Variants in COL11A1 observed in about 807,000 individuals in gnomAD.
COL11A1 encodes the protein collagen type XI alpha 1 chain, also known as collagen alpha-1(XI) chain.
In COL11A1, 74 loss-of-function variants were observed where a neutral mutation model predicts 265.2. That is an observed-to-expected ratio of 0.28 (90% CI 0.23 to 0.34). The LOEUF (loss-of-function observed/expected upper bound fraction) is 0.34. Among genes scored for constraint, COL11A1 ranks in the 10% least tolerant of loss-of-function variants. COL11A1 has a pLI of 1.00. For missense variants in COL11A1, 2,165 were observed against 2,263.6 expected (o/e 0.96, Z 0.88); for synonymous variants, 816 against 727.6 (o/e 1.12, Z -1.96).
At chr1:103,104,119 T>A (rs978195563) in intron 1 of COL11A1, among the ~76,000 whole-genome samples, 9 of 152,232 alleles carry the variant, frequency 5.9e-5, no homozygotes, top group Middle Eastern at 3.4e-3. Context: ...CATTCTCTTT[T>A]AAAAATCTTA....
intron 66 of COL11A1, 132 bp from the exon 67 acceptor site, chr1:102,878,297 A>T: frequency 2.8e-6 from 2 of 709,502 alleles, no homozygotes; most frequent in South Asian, 3.9e-5. Context: ...ATTTTCTATT[A>T]TCTATGTAAT....
At chr1:103,089,317 T>C (rs1673119482) in intron 1 of COL11A1, among the ~76,000 whole-genome samples, 4 of 152,182 alleles carry the variant, frequency 2.6e-5, no homozygotes, top group Admixed American at 2.0e-4. Flanking sequence ...AGGAGATTTA[T>C]TCTTAGCTCA....
At chr1:102,990,211 A>T (rs1464428007) in intron 28 of COL11A1, among the ~76,000 whole-genome samples, 1 of 152,084 alleles carries the variant, frequency 6.6e-6, no homozygotes, top group Non-Finnish European at 1.5e-5. Flanking sequence ...GAACAACAAC[A>T]ACAAAAGGAA....
chr1:103,050,604 C>G (rs2102129222), intron 4 of COL11A1, among the ~76,000 whole-genome samples: 1 of 152,294 alleles, frequency 6.6e-6, no homozygotes, highest in Non-Finnish European at 1.5e-5. Flanking sequence ...CTCAACTCGT[C>G]AAAGTCATTC....
At chr1:103,029,579 T>A (rs1280209926) in intron 5 of COL11A1, among the ~76,000 whole-genome samples, 2 of 152,020 alleles carry the variant, frequency 1.3e-5, no homozygotes, top group East Asian at 1.9e-4. Context: ...TTTTTCATTA[T>A]GACTTACTCA....
chr1:102,885,426 G>A (rs970392058), intron 63 of COL11A1, among the ~76,000 whole-genome samples: 1 of 151,966 alleles, frequency 6.6e-6, no homozygotes, highest in African/African-American at 2.4e-5. Flanking sequence ...TATTTTAAAA[G>A]CTCAAATTGC....
intron 7 of COL11A1, among the ~76,000 whole-genome samples, chr1:103,023,466 T>C (rs533784012): frequency 6.6e-6 from 1 of 151,868 alleles, no homozygotes; most frequent in African/African-American, 2.4e-5. Context: ...CAAGTGATTC[T>C]CCTGCCTCAG....
intron 30 of COL11A1, among the ~76,000 whole-genome samples, chr1:102,985,109 A>G (rs1663410101): frequency 6.6e-6 from 1 of 152,042 alleles, no homozygotes; most frequent in Non-Finnish European, 1.5e-5. Flanking sequence ...CTAATAAGAT[A>G]CTTACAAAAG....
intron 41 of COL11A1, among the ~76,000 whole-genome samples, chr1:102,959,063 G>A (rs1660640360): frequency 6.6e-6 from 1 of 152,084 alleles, no homozygotes; most frequent in Non-Finnish European, 1.5e-5. Flanking sequence ...CCAAGTCATC[G>A]GCTCACTCCA....
chr1:103,031,170 G>A lies in COL11A1; in HGVS notation c.726C>T (p.Asp242=), dbSNP rs547493672. Residue 242 remains aspartate (D), a synonymous_variant, in exon 5 of 67, where the codon GAC becomes GAT. Transcript: ENST00000370096. ...AYDYCEHYSP[D]CDSSAPKAAQ... is the part of the protein sequence containing the mutation. ...CAGCCTTGGGTGCTGAAGAGTCACAGTCTGGACTATAATGCTCACAGTAGT... is the reference window on the plus strand; with the variant it reads ...CAGCCTTGGGTGCTGAAGAGTCACAATCTGGACTATAATGCTCACAGTAGT... The A allele has an allele frequency of 5.0e-6, 8 of 1,612,310 alleles. No individual in the cohort carries two copies. In the South Asian group the frequency reaches 7.7e-5, roughly 15 times the overall value.
rs115789538 is a variant in COL11A1 at position 102,966,992 on chromosome 1, G to A, written c.2863-1452C>T. ...CTATGTTCTTCCCCTTTTTAATGGC[G>A]TGTCTTCAGATTCCAGACTTTTCTT... is the stretch of plus-strand genomic sequence containing the variant. On this transcript the variant is annotated intron_variant, in intron 37 of 66. Transcript: ENST00000370096. Among the ~76,000 whole-genome samples the A allele has an allele frequency of 7.6e-3, 1,159 of 151,848 alleles. 14 individuals are homozygous for A. The highest frequency in any genetic ancestry group is 0.026 in the African/African-American group (1,091 of 41,406).
intron 11 of COL11A1, among the ~76,000 whole-genome samples, chr1:103,016,711 T>C (rs1264913144): frequency 6.6e-6 from 1 of 152,022 alleles, no homozygotes; most frequent in Non-Finnish European, 1.5e-5. Flanking sequence ...ACATTGATTC[T>C]AGATTGGCAA....
intron 30 of COL11A1, among the ~76,000 whole-genome samples, chr1:102,986,419 G>C (rs1465144626): frequency 3.5e-5 from 4 of 113,794 alleles, no homozygotes; most frequent in East Asian, 3.3e-4. Context: ...GTTGTGGGGT[G>C]GGGGGAGGGG....
chr1:102,962,624 C>CA (rs780836034), intron 39 of COL11A1, 29 bp downstream of exon 39: 2 of 1,606,550 alleles, frequency 1.2e-6, no homozygotes, highest in South Asian at 1.1e-5. Context: ...AGTTTTGGGC[C>CA]AAAAAAAGTT....
Position 102,946,831 on chromosome 1 carries a change from C to T in COL11A1, c.3276+18G>A, listed in dbSNP as rs1359165033. ...ACAGGGTAGCAGCATAATATATTTT[C>T]TCCTAGACATTACTTACAGGAGCAC... is the stretch of plus-strand genomic sequence containing the variant. On this transcript the variant is annotated intron_variant, in intron 42 of 66. Coordinates refer to ENST00000370096, the MANE Select transcript of COL11A1 (RefSeq NM_001854.4). The T allele has an allele frequency of 8.8e-6, 14 of 1,587,560 alleles. No individual in the cohort carries two copies. Among genetic ancestry groups the T allele is most frequent in the Non-Finnish European group, 1.1e-5 (13 of 1,157,158 alleles).
At chr1:103,007,214 A>T (rs1354822941) in intron 15 of COL11A1, among the ~76,000 whole-genome samples, 1 of 152,168 alleles carries the variant, frequency 6.6e-6, no homozygotes, top group Non-Finnish European at 1.5e-5. Flanking sequence ...CAATTTGCCA[A>T]TCCCTGAAGC....
chr1:102,972,832 C>A (rs1662092137), intron 36 of COL11A1, among the ~76,000 whole-genome samples: 1 of 152,022 alleles, frequency 6.6e-6, no homozygotes, highest in Non-Finnish European at 1.5e-5. Context: ...TAGAATGTTT[C>A]TCATACTAGT....
At chr1:102,909,983 A>G (rs1654448935) in intron 54 of COL11A1, among the ~76,000 whole-genome samples, 1 of 152,018 alleles carries the variant, frequency 6.6e-6, no homozygotes, top group Non-Finnish European at 1.5e-5. Context: ...AATATTTTGA[A>G]AGTTTATAAT....
intron 24 of COL11A1, among the ~76,000 whole-genome samples, chr1:103,000,491 T>C (rs1665006137): frequency 6.6e-6 from 1 of 151,824 alleles, no homozygotes; most frequent in African/African-American, 2.4e-5. Flanking sequence ...AAATGGCCAA[T>C]AAGCATGTGA....
Sources: gnomAD v4.1 joint callset for allele counts (sites outside exome capture counted in the v4.1 genomes callset) on GRCh38, gnomAD v4.1.1 for gene constraint, MANE v1.5 for transcripts, NCBI Gene and HGNC (gene_info 2026-07-23, HGNC 2026-07-21) for gene names.